The following CSMD3 variants were observed in gnomAD, a reference collection of about 807,000 sequenced individuals.
The protein encoded by CSMD3 is CUB and Sushi multiple domains 3, also known as CUB and sushi domain-containing protein 3.
Under a neutral mutation model 435.2 loss-of-function variants are expected in CSMD3, and 177 were observed. The ratio of observed to expected loss-of-function variants is 0.41; its 90% CI spans 0.36 to 0.46. CSMD3 has a LOEUF of 0.46. Ranked by LOEUF, CSMD3 falls within the 20% of genes least tolerant of loss-of-function variation. The pLI is 0.34. For missense variants in CSMD3, 4,265 were observed against 4,504.6 expected (o/e 0.95, Z 1.52); for synonymous variants, 1,656 against 1,520.5 (o/e 1.09, Z -2.07).
At chr8:112,415,149 C>A (rs1370179970) in intron 32 of CSMD3, among the ~76,000 whole-genome samples, 1 of 152,180 alleles carries the variant, frequency 6.6e-6, no homozygotes, top group African/African-American at 2.4e-5. Context: ...TCATGGAAGC[C>A]CCTCCCATCA....
intron 41 of CSMD3, 43 bp from the exon 42 acceptor site, chr8:112,341,729 C>A (rs778429694): frequency 2.4e-6 from 3 of 1,235,860 alleles, no homozygotes; most frequent in Non-Finnish European, 3.5e-6. Flanking sequence ...TTTGCTTTAC[C>A]GAATTAAACA....
intron 13 of CSMD3, among the ~76,000 whole-genome samples, chr8:112,742,493 G>T (rs2077335015): frequency 6.6e-6 from 1 of 151,814 alleles, no homozygotes; most frequent in Non-Finnish European, 1.5e-5. Flanking sequence ...AGTGCGATCT[G>T]TACAATGTGT....
At chr8:112,294,680 A>G (rs1180646836) in intron 54 of CSMD3, among the ~76,000 whole-genome samples, 1 of 152,166 alleles carries the variant, frequency 6.6e-6, no homozygotes, top group African/African-American at 2.4e-5. Context: ...CACAGCAGGT[A>G]TATTTAAGAA....
At chr8:112,758,213 G>C (rs943261651) in intron 13 of CSMD3, among the ~76,000 whole-genome samples, 10 of 151,924 alleles carry the variant, frequency 6.6e-5, no homozygotes, top group Non-Finnish European at 1.2e-4. Flanking sequence ...AATTAGCCAG[G>C]CATGGTGGCA....
intron 66 of CSMD3, among the ~76,000 whole-genome samples, chr8:112,239,212 G>C (rs763958798): frequency 2.0e-5 from 3 of 151,958 alleles, no homozygotes; most frequent in Non-Finnish European, 2.9e-5. Context: ...AGGCATCCCT[G>C]GAGTCTCTCT....
intron 32 of CSMD3, among the ~76,000 whole-genome samples, chr8:112,413,826 C>T (rs944244186): frequency 6.6e-6 from 1 of 152,152 alleles, no homozygotes; most frequent in Non-Finnish European, 1.5e-5. Flanking sequence ...ATCCTCTTCC[C>T]AACTAGGCCC....
At chr8:112,640,471 A>G (rs907740733) in intron 20 of CSMD3, among the ~76,000 whole-genome samples, 1 of 152,168 alleles carries the variant, frequency 6.6e-6, no homozygotes, top group African/African-American at 2.4e-5. Context: ...AAATGATTGA[A>G]AACACAAACA....
intron 32 of CSMD3, among the ~76,000 whole-genome samples, chr8:112,421,053 C>T (rs759127179): frequency 2.0e-4 from 31 of 152,084 alleles, no homozygotes; most frequent in Non-Finnish European, 4.0e-4. Context: ...TTCAGAATAA[C>T]AGGTGGAGGG....
At chr8:112,724,902 G>T (rs2076932482) in intron 13 of CSMD3, among the ~76,000 whole-genome samples, 1 of 152,032 alleles carries the variant, frequency 6.6e-6, no homozygotes, top group Non-Finnish European at 1.5e-5. Context: ...GATAAATACT[G>T]CTGATCTGTC....
At chr8:112,812,061 A>C (rs982164654) in intron 12 of CSMD3, among the ~76,000 whole-genome samples, 1 of 152,132 alleles carries the variant, frequency 6.6e-6, no homozygotes, top group African/African-American at 2.4e-5. Context: ...GCCTCCCCAC[A>C]CCAGGAATAT....
intron 38 of CSMD3, among the ~76,000 whole-genome samples, chr8:112,367,978 T>A (rs1827948355): frequency 6.6e-6 from 1 of 152,128 alleles, no homozygotes; most frequent in African/African-American, 2.4e-5. Flanking sequence ...TCTTTCAAAT[T>A]AGAACTATGT....
At chr8:112,230,943 T>C (rs1563662177) in intron 69 of CSMD3, among the ~76,000 whole-genome samples, 1 of 152,234 alleles carries the variant, frequency 6.6e-6, no homozygotes, top group Admixed American at 6.5e-5. Flanking sequence ...AGGAGAATTA[T>C]ACACCAAAAG....
At chr8:113,422,129 T>G (rs1316301088) in intron 1 of CSMD3, among the ~76,000 whole-genome samples, 1 of 152,160 alleles carries the variant, frequency 6.6e-6, no homozygotes, top group African/African-American at 2.4e-5. Context: ...CTGTCCTCTA[T>G]GAAGAGGGTA....
chr8:113,067,562 A>G (rs1415954271), intron 5 of CSMD3, among the ~76,000 whole-genome samples: 1 of 152,130 alleles, frequency 6.6e-6, no homozygotes, highest in Non-Finnish European at 1.5e-5. Context: ...AAAAACTGCA[A>G]TAACTTTTGT....
intron 5 of CSMD3, among the ~76,000 whole-genome samples, chr8:113,070,569 T>C (rs910734445): frequency 3.3e-5 from 5 of 151,982 alleles, no homozygotes; most frequent in African/African-American, 1.2e-4. Flanking sequence ...TCATCTTGCA[T>C]AAATGAAACT....
In CSMD3 at chr8:113,107,062, A is replaced by C. The variant is rs77718766; in HGVS notation, c.710-8099T>G. On this transcript the variant is annotated intron_variant, in intron 4 of 70. Transcript: ENST00000297405. The stretch of plus-strand genomic sequence containing the variant: ...GCTCCCTTCCCCCTGGGCCTTAGAC[A>C]ACCATGAATCCACCACAGGCTCTAT... Among the ~76,000 whole-genome samples, 1,295 of 152,276 alleles carry C rather than the reference A, an allele frequency of 8.5e-3. 21 individuals are homozygous for C. The highest frequency in any genetic ancestry group is 0.029 in the African/African-American group (1,214 of 41,546).
chr8:112,354,413 C>T (rs1232160111), intron 38 of CSMD3, among the ~76,000 whole-genome samples: 1 of 152,244 alleles, frequency 6.6e-6, no homozygotes, highest in East Asian at 1.9e-4. Flanking sequence ...CAAATTATCT[C>T]TCTTCACTGA....
intron 32 of CSMD3, among the ~76,000 whole-genome samples, chr8:112,412,643 A>T (rs34044198): frequency 0.28 from 42,741 of 151,938 alleles, 6,849 homozygotes; most frequent in African/African-American, 0.44. Context: ...AAAGGAAACC[A>T]GTAAGATAAA....
intron 38 of CSMD3, among the ~76,000 whole-genome samples, chr8:112,378,963 A>G (rs1325036260): frequency 6.6e-6 from 1 of 152,224 alleles, no homozygotes; most frequent in Non-Finnish European, 1.5e-5. Context: ...AAGAGATTCC[A>G]TTAAAAAAAA....
Sources: gnomAD v4.1 joint callset for allele counts (sites outside exome capture counted in the v4.1 genomes callset) on GRCh38, gnomAD v4.1.1 for gene constraint, MANE v1.5 for transcripts, NCBI Gene and HGNC (gene_info 2026-07-23, HGNC 2026-07-21) for gene names.